ACSM2B: variants seen among roughly 807,000 people sequenced by gnomAD.
ACSM2B encodes the protein acyl-CoA synthetase medium chain family member 2B.
In ACSM2B, 58 loss-of-function variants were observed where a neutral mutation model predicts 78.6. The ratio of observed to expected loss-of-function variants is 0.74; its 90% CI spans 0.60 to 0.92. The LOEUF (loss-of-function observed/expected upper bound fraction) is 0.92. Ranked by LOEUF, ACSM2B falls within the 40% of genes least tolerant of loss-of-function variation. The pLI is 0.00. For missense variants in ACSM2B, 688 were observed against 711.2 expected (o/e 0.97, Z 0.37); for synonymous variants, 257 against 256.8 (o/e 1.00, Z -0.01).
chr16:20,563,600 T>A (rs901751694), intron 2 of ACSM2B, among the ~76,000 whole-genome samples: 1 of 151,700 alleles, frequency 6.6e-6, no homozygotes, highest in African/African-American at 2.4e-5. Context: ...TTTAAAAAAA[T>A]CCAGAAATCT....
rs541531101 is a variant in ACSM2B at position 20,550,756 on chromosome 16, C to T, written c.894+1388G>A. On this transcript the variant is annotated intron_variant, in intron 6 of 13. Coordinates refer to ENST00000329697, the MANE Select transcript of ACSM2B (RefSeq NM_001105069.2). ...TAACCCAACCCCTCTATCATAGAGT[C>T]CAACATAGGGTGTATCTTCATAAGC... is the stretch of plus-strand genomic sequence containing the variant. 3.3e-5 allele frequency among the ~76,000 whole-genome samples: 5 copies of T among 152,188 alleles called. No homozygotes were observed. In the East Asian group the frequency reaches 9.6e-4, roughly 29 times the overall value.
At chr16:20,541,506 G>C (rs1258351431) in intron 12 of ACSM2B, among the ~76,000 whole-genome samples, 2 of 151,730 alleles carry the variant, frequency 1.3e-5, no homozygotes, top group African/African-American at 2.4e-5. Flanking sequence ...TCTATCCTTT[G>C]GCTCAAATCC....
At chr16:20,559,991 T>A (rs570402139) in intron 2 of ACSM2B, among the ~76,000 whole-genome samples, 4 of 151,170 alleles carry the variant, frequency 2.6e-5, no homozygotes, top group African/African-American at 9.9e-5. Context: ...ATCTACTTAC[T>A]TTTTTTAATT....
chr16:20,544,813 G>T, intron 10 of ACSM2B: 4 of 1,005,046 alleles, frequency 4.0e-6, no homozygotes, highest in Non-Finnish European at 3.6e-6. Flanking sequence ...ATAGATCATG[G>T]GGATGATACC....
rs1301372235 is a variant in ACSM2B at position 20,545,155 on chromosome 16, A to G, written c.1281+2T>C. On this transcript the variant is annotated splice_donor_variant, in intron 10 of 13. Transcript: ENST00000329697. LOFTEE classifies it high-confidence loss of function. ...CAGAGGAGGAGAAGCACAGTTTCTCACCACATAGCCAGAGAAGATGCCTAT... is the reference window on the plus strand; with the variant it reads ...CAGAGGAGGAGAAGCACAGTTTCTCGCCACATAGCCAGAGAAGATGCCTAT... 3 of 1,610,448 alleles carry G rather than the reference A, an allele frequency of 1.9e-6. No individual in the cohort carries two copies. The African/African-American group carries it at 4.0e-5, about 22-fold the overall frequency.
Position 20,540,993 on chromosome 16 carries a change from C to T in ACSM2B, c.1510-220G>A, listed in dbSNP as rs1442660262. On this transcript the variant is annotated intron_variant, in intron 12 of 13. Transcript: ENST00000329697. ...GGAGCAGGTGGACAATAGATTGAGACCAGGCTCACCTCATGCTCCAAGGAC... is the reference window on the plus strand; with the variant it reads ...GGAGCAGGTGGACAATAGATTGAGATCAGGCTCACCTCATGCTCCAAGGAC... 11 of 474,520 alleles carry T rather than the reference C, an allele frequency of 2.3e-5. No homozygotes were observed. In the South Asian group the frequency reaches 3.8e-4, roughly 16 times the overall value. 29.4% of individuals were successfully genotyped at this position (474,520 alleles called of 1,614,324 possible). A position where few individuals can be genotyped will look rare whatever the true frequency, so the allele number is the denominator to read the frequency against.
In ACSM2B at chr16:20,536,853, T is replaced by C. The variant is rs912137823; in HGVS notation, c.*405A>G. On this transcript the variant is annotated 3_prime_UTR_variant, in exon 14 of 14. Transcript: ENST00000329697. ...CTCTTTCTCTCTTTATTTCTTTCCT[T>C]TCTTCTCTTTATTTTTCTGATTCTC... is the stretch of plus-strand genomic sequence containing the variant. 1 of 157,270 alleles carries C rather than the reference T, an allele frequency of 6.4e-6. No individual in the cohort carries two copies. The highest frequency in any genetic ancestry group is 2.4e-5 in the African/African-American group (1 of 41,640). The allele number at this position is 157,270 out of a possible 1,614,324, so 9.7% of individuals were successfully genotyped here. A position where few individuals can be genotyped will look rare whatever the true frequency, so the allele number is the denominator to read the frequency against.
At chr16:20,555,587 G>A in intron 3 of ACSM2B, 111 bp from the exon 4 acceptor site, 65 of 1,534,696 alleles carry the variant, frequency 4.2e-5, no homozygotes, top group Non-Finnish European at 5.6e-5. Flanking sequence ...GGATGGGGAA[G>A]TAATGACCAA....
intron 9 of ACSM2B, 48 bp from the exon 10 acceptor site, chr16:20,545,306 G>A (rs1352415797): frequency 6.3e-7 from 1 of 1,583,090 alleles, no homozygotes; most frequent in East Asian, 2.3e-5. Context: ...GCAGGAGATG[G>A]CTTCAATGGC....
chr16:20,552,515 G>T (rs1458700919), intron 5 of ACSM2B, among the ~76,000 whole-genome samples: 2 of 152,090 alleles, frequency 1.3e-5, no homozygotes, highest in Non-Finnish European at 2.9e-5. Context: ...TGTTCGGAAG[G>T]TGGGACCCCA....
chr16:20,567,523 T>TAA (rs376067736), intron 1 of ACSM2B, among the ~76,000 whole-genome samples: 1 of 114,906 alleles, frequency 8.7e-6, no homozygotes, highest in Admixed American at 1.0e-4. Context: ...AATATATAAA[T>TAA]TATATAAATA....
At chr16:20,558,488 A>C (rs1317849585) in intron 3 of ACSM2B, among the ~76,000 whole-genome samples, 2 of 151,820 alleles carry the variant, frequency 1.3e-5, no homozygotes, top group Non-Finnish European at 2.9e-5. Context: ...TACTGTTTTC[A>C]GTGTTTGGCT....
Position 20,542,686 on chromosome 16 carries a change from T to C in ACSM2B, c.1509+228A>G, listed in dbSNP as rs1023548441. On this transcript the variant is annotated intron_variant, in intron 12 of 13. Transcript: ENST00000329697. ...GAGAAATCACCATACTTAAGTACTT[T>C]ACAAATATTAGCACATTTAACCCTC... 8.7e-6 allele frequency: 5 copies of C among 572,552 alleles called. No individual in the cohort carries two copies. The African/African-American group carries it at 9.4e-5, about 11-fold the overall frequency. The allele number at this position is 572,552 out of a possible 1,614,324, so 35.5% of individuals were successfully genotyped here.
At chr16:20,538,776 A>T (rs563213924) in intron 13 of ACSM2B, among the ~76,000 whole-genome samples, 4 of 152,280 alleles carry the variant, frequency 2.6e-5, no homozygotes, top group South Asian at 2.1e-4. Flanking sequence ...AAACTGAGGA[A>T]CGCAGAGGTT....
rs1201614923 is a variant in ACSM2B, at chr16:20,546,042, C to T, written c.1179+352G>A. 3.3e-5 allele frequency among the ~76,000 whole-genome samples: 5 copies of T among 152,198 alleles called. No homozygotes were observed. The South Asian group carries it at 1.0e-3, about 32-fold the overall frequency. On this transcript the variant is annotated intron_variant, in intron 9 of 13. Coordinates refer to ENST00000329697, the MANE Select transcript of ACSM2B (RefSeq NM_001105069.2). Reference sequence around the variant, plus strand: ...ATGCTGCAGGTTGGCATTAATTGAACTGAAAAGATCGTTACCTATATTGTT... The same window carrying T: ...ATGCTGCAGGTTGGCATTAATTGAATTGAAAAGATCGTTACCTATATTGTT...
rs2014862216 is a variant in ACSM2B at position 20,537,088 on chromosome 16, T to G, written c.*170A>C. ...CACTCTCTCTCATTCCTTCCCTTTC[T>G]TATTTCAATATCTAACATAGTAATG... is the stretch of plus-strand genomic sequence containing the variant. On this transcript the variant is annotated 3_prime_UTR_variant, in exon 14 of 14. Transcript: ENST00000329697. The G allele has an allele frequency of 1.3e-6, 1 of 758,798 alleles. No homozygotes were observed. The highest frequency in any genetic ancestry group is 2.1e-6 in the Non-Finnish European group (1 of 473,686). 47.0% of individuals were successfully genotyped at this position (758,798 alleles called of 1,614,324 possible).
At chr16:20,569,476 C>T (rs543080172) in intron 1 of ACSM2B, among the ~76,000 whole-genome samples, 3 of 151,986 alleles carry the variant, frequency 2.0e-5, no homozygotes, top group African/African-American at 7.2e-5. Context: ...TGACTATGGC[C>T]TTATAGTACA....
chr16:20,568,352 A>G lies in ACSM2B; in HGVS notation c.-8-3499T>C, dbSNP rs558329114. ...ATATAATGTATATAATATATCATATATCATATATATCACATATTATATATT... is the reference window on the plus strand; with the variant it reads ...ATATAATGTATATAATATATCATATGTCATATATATCACATATTATATATT... On this transcript the variant is annotated intron_variant, in intron 1 of 13. Coordinates refer to ENST00000329697, the MANE Select transcript of ACSM2B (RefSeq NM_001105069.2). Among the ~76,000 whole-genome samples, 125 of 145,792 alleles carry G rather than the reference A, an allele frequency of 8.6e-4. 1 individual carries two copies. The highest frequency in any genetic ancestry group is 2.9e-3 in the African/African-American group (116 of 40,366).
At chr16:20,537,411 G>T (rs1237658662) in intron 13 of ACSM2B, 49 bp from the exon 14 acceptor site, 5 of 1,604,358 alleles carry the variant, frequency 3.1e-6, no homozygotes, top group Non-Finnish European at 4.3e-6. Context: ...GATGACAGTG[G>T]GTTGCATTTT....
Sources: gnomAD v4.1 joint callset for allele counts (sites outside exome capture counted in the v4.1 genomes callset) on GRCh38, gnomAD v4.1.1 for gene constraint, MANE v1.5 for transcripts, NCBI Gene and HGNC (gene_info 2026-07-23, HGNC 2026-07-21) for gene names.